Variants in DGKI observed in about 807,000 individuals in gnomAD.
DGKI encodes diacylglycerol kinase iota.
A neutral mutation model predicts 147.5 loss-of-function variants in DGKI; 55 were observed. The ratio of observed to expected loss-of-function variants is 0.37; its 90% confidence interval spans 0.30 to 0.47. DGKI has a LOEUF of 0.47. Ranked by LOEUF, DGKI falls within the 20% of genes least tolerant of loss-of-function variation. The pLI, the probability that DGKI is intolerant of heterozygous loss-of-function variation, is 1.00. For synonymous variants in DGKI, 469 were observed against 477.1 expected (o/e 0.98, Z 0.22); for missense variants, 1,007 against 1,323.8 (o/e 0.76, Z 3.71).
intron 28 of DGKI, among the ~76,000 whole-genome samples, chr7:137,417,846 T>C (rs1812415852): frequency 6.6e-6 from 1 of 152,170 alleles, no homozygotes; most frequent in Admixed American, 6.5e-5. Flanking sequence ...GCTTTCCCAT[T>C]ATGTGAGGAT....
intron 2 of DGKI, among the ~76,000 whole-genome samples, chr7:137,680,354 A>G (rs182186944): frequency 6.6e-6 from 1 of 152,364 alleles, no homozygotes; most frequent in East Asian, 1.9e-4. Flanking sequence ...GATGACTTCA[A>G]TAAGAAATTC....
intron 1 of DGKI, among the ~76,000 whole-genome samples, chr7:137,790,969 G>C (rs1796834222): frequency 6.6e-6 from 1 of 152,178 alleles, no homozygotes; most frequent in Admixed American, 6.5e-5. Context: ...TGTTGCTACA[G>C]TCCAAAGGAT....
chr7:137,395,758 T>C, intron 31 of DGKI, 61 bp from the exon 32 acceptor site: 2 of 1,497,308 alleles, frequency 1.3e-6, no homozygotes, highest in Non-Finnish European at 1.9e-6. Context: ...AGGGAATGGG[T>C]GAGGGGAGCT....
intron 19 of DGKI, among the ~76,000 whole-genome samples, chr7:137,570,587 A>G (rs834447): frequency 0.17 from 25,506 of 150,872 alleles, 3,708 homozygotes; most frequent in African/African-American, 0.4. Context: ...ATGTTTCTAT[A>G]GTGTAATTTT....
intron 1 of DGKI, among the ~76,000 whole-genome samples, chr7:137,740,608 T>C (rs1372868997): frequency 1.3e-5 from 2 of 152,018 alleles, no homozygotes; most frequent in African/African-American, 4.8e-5. Context: ...ATACTTTTAA[T>C]CCCCTCCCCT....
At chr7:137,586,997 A>G in intron 13 of DGKI, 100 bp downstream of exon 13, 1 of 858,254 alleles carries the variant, frequency 1.2e-6, no homozygotes. Flanking sequence ...TATGCCTGGG[A>G]CAGCAGCAGC....
chr7:137,808,163 C>T (rs532477770), intron 1 of DGKI, among the ~76,000 whole-genome samples: 3 of 152,302 alleles, frequency 2.0e-5, no homozygotes, highest in African/African-American at 7.2e-5. Flanking sequence ...ATAATCTCCA[C>T]AGCAACCAAT....
At chr7:137,805,497 C>T (rs551762585) in intron 1 of DGKI, among the ~76,000 whole-genome samples, 8 of 152,254 alleles carry the variant, frequency 5.3e-5, no homozygotes, top group Admixed American at 3.9e-4. Flanking sequence ...GATCAGCAGC[C>T]GTGGTTGGTT....
At chr7:137,732,109 A>C (rs1377668614) in intron 1 of DGKI, among the ~76,000 whole-genome samples, 1 of 152,124 alleles carries the variant, frequency 6.6e-6, no homozygotes, top group Non-Finnish European at 1.5e-5. Context: ...TAGCTATGCT[A>C]ATACCATCTA....
chr7:137,493,868 A>T, intron 21 of DGKI: 1 of 682,410 alleles, frequency 1.5e-6, no homozygotes, highest in Non-Finnish European at 2.7e-6. Flanking sequence ...CAGAATATGG[A>T]CAGGAATGAA....
chr7:137,390,013 G>C lies in DGKI; in HGVS notation c.*1207C>G, dbSNP rs1003338114. 1 of 152,100 alleles carries C rather than the reference G, an allele frequency of 6.6e-6. No homozygotes were observed. The highest frequency in any genetic ancestry group is 6.5e-5 in the Admixed American group (1 of 15,278). 9.4% of individuals were successfully genotyped at this position (152,100 alleles called of 1,614,324 possible). ...AACAAGCCTTTGTTCTTGGGTCAAG[G>C]ATTACTTGGAGTAATGAAAACCAAA... is the stretch of plus-strand genomic sequence containing the variant. On this transcript the variant is annotated 3_prime_UTR_variant, in exon 33 of 33. Transcript: ENST00000614521.
chr7:137,767,041 G>A (rs1483100756), intron 1 of DGKI, among the ~76,000 whole-genome samples: 1 of 152,042 alleles, frequency 6.6e-6, no homozygotes, highest in East Asian at 1.9e-4. Context: ...CCCACAGAAG[G>A]TGTCCTGTCA....
intron 1 of DGKI, among the ~76,000 whole-genome samples, chr7:137,813,595 C>T (rs1057511206): frequency 3.9e-5 from 6 of 152,198 alleles, no homozygotes; most frequent in African/African-American, 1.4e-4. Context: ...GATGTCAACT[C>T]CTTCCTCCAC....
intron 1 of DGKI, among the ~76,000 whole-genome samples, chr7:137,751,675 C>T (rs1214516131): frequency 1.3e-5 from 2 of 152,120 alleles, no homozygotes; most frequent in African/African-American, 2.4e-5. Flanking sequence ...AAACCTGTAT[C>T]GAAAGGCCAA....
At chr7:137,609,106 C>G (rs1269294115) in intron 9 of DGKI, 42 bp from the exon 10 acceptor site, 2 of 1,533,868 alleles carry the variant, frequency 1.3e-6, no homozygotes, top group Admixed American at 3.4e-5. Context: ...ACATCCATGG[C>G]TTGAAAGGCA....
chr7:137,618,907 C>T (rs577209753), intron 8 of DGKI, among the ~76,000 whole-genome samples: 2 of 152,264 alleles, frequency 1.3e-5, no homozygotes, highest in South Asian at 4.1e-4. Flanking sequence ...TCAACAGAGT[C>T]TAAACTTTAT....
At chr7:137,769,111 T>C (rs1331011437) in intron 1 of DGKI, among the ~76,000 whole-genome samples, 1 of 152,232 alleles carries the variant, frequency 6.6e-6, no homozygotes, top group Non-Finnish European at 1.5e-5. Context: ...TTTCGCATTC[T>C]GATTACGGAG....
chr7:137,565,325 AAC>A (rs1449932316), intron 19 of DGKI, among the ~76,000 whole-genome samples: 1 of 152,172 alleles, frequency 6.6e-6, no homozygotes, highest in African/African-American at 2.4e-5. Flanking sequence ...AGCAATTAGA[AAC>A]ACATCAAATA....
In DGKI at chr7:137,642,929, AGT is replaced by A. The variant is rs1207086851; in HGVS notation, c.804+2541_804+2542del. Among the ~76,000 whole-genome samples, 961 of 121,186 alleles carry A rather than the reference AGT, an allele frequency of 7.9e-3. 5 individuals carry two copies. Among genetic ancestry groups the A allele is most frequent in the African/African-American group, 0.014 (425 of 31,064 alleles). 79.5% of individuals were successfully genotyped at this position (121,186 alleles called of 152,430 possible). A position where few individuals can be genotyped will look rare whatever the true frequency, so the allele number is the denominator to read the frequency against. ...CATCCCAATGAGTAAATTATGGAAT[AGT>A]GTGTGTGTGTGTGTGTGTGTGTGTG... On this transcript the variant is annotated intron_variant, in intron 6 of 32. Transcript: ENST00000614521.
Sources: gnomAD v4.1 joint callset for allele counts (sites outside exome capture counted in the v4.1 genomes callset) on GRCh38, gnomAD v4.1.1 for gene constraint, MANE v1.5 for transcripts, NCBI Gene and HGNC (gene_info 2026-07-23, HGNC 2026-07-21) for gene names.